Variants in ERC1 observed in about 807,000 individuals in gnomAD.
ERC1 encodes RAB6 interacting protein 2.
A neutral mutation model predicts 132.0 loss-of-function variants in ERC1; 56 were observed. The ratio of observed to expected loss-of-function variants is 0.42; its 90% CI spans 0.34 to 0.53. The LOEUF (loss-of-function observed/expected upper bound fraction) is 0.53. Among genes scored for constraint, ERC1 ranks in the 20% least tolerant of loss-of-function variants. The probability of loss-of-function intolerance (pLI) is 0.03; values close to 1 mark genes in which losing one functional copy is unlikely to be tolerated. For missense variants in ERC1, 1,202 were observed against 1,349.9 expected (o/e 0.89, Z 1.72); for synonymous variants, 478 against 476.1 (o/e 1.00, Z -0.05).
chr12:1,241,904 G>C (rs1594474395), intron 13 of ERC1, among the ~76,000 whole-genome samples: 1 of 136,180 alleles, frequency 7.3e-6, no homozygotes, highest in African/African-American at 2.8e-5. Context: ...TGTCCCCAAG[G>C]CTGGAGTGCA....
At chr12:1,282,730 CAA>C (rs1237006220) in intron 14 of ERC1, among the ~76,000 whole-genome samples, 2 of 152,228 alleles carry the variant, frequency 1.3e-5, no homozygotes, top group Non-Finnish European at 1.5e-5. Flanking sequence ...CTCCTCCACT[CAA>C]GAGCTTGTTA....
intron 3 of ERC1, among the ~76,000 whole-genome samples, chr12:1,092,639 A>G (rs561523100): frequency 1.3e-5 from 2 of 152,364 alleles, no homozygotes; most frequent in East Asian, 3.9e-4. Flanking sequence ...ATAAGTTTAA[A>G]AAAACTAACT....
chr12:1,030,293 C>T (rs1425560663), intron 2 of ERC1, among the ~76,000 whole-genome samples: 1 of 152,106 alleles, frequency 6.6e-6, no homozygotes, highest in Non-Finnish European at 1.5e-5. Context: ...TCAATTTCTG[C>T]AGTGTTCTTA....
Position 1,141,638 on chromosome 12 carries a change from C to A in ERC1, c.1588C>A (p.Arg530Ser). Residue 530 changes from arginine (R) to serine (S), a missense_variant, in exon 8 of 19, where the codon CGT becomes AGT. By Grantham distance (110) the Arg-to-Ser change is moderately radical. Transcript: ENST00000360905. ...TTCTTAGGTGGATGCTCTCCGATTG[C>A]GTTTGGAAGAGAAGGAAACCATGTT... ...LQTEVDALRL[R>S]LEEKETMLNK... is the part of the protein sequence containing the mutation. 2 of 1,608,796 alleles carry A rather than the reference C, an allele frequency of 1.2e-6. No homozygotes were observed. The highest frequency in any genetic ancestry group is 8.5e-7 in the Non-Finnish European group (1 of 1,177,202).
intron 10 of ERC1, among the ~76,000 whole-genome samples, chr12:1,183,024 T>C (rs1407791432): frequency 1.3e-5 from 2 of 152,220 alleles, no homozygotes; most frequent in Non-Finnish European, 2.9e-5. Flanking sequence ...AAGCTTGATC[T>C]ACTTTGGTTT....
chr12:1,481,019 C>T (rs2094080192), intron 18 of ERC1: 1 of 613,052 alleles, frequency 1.6e-6, no homozygotes, highest in East Asian at 2.7e-5. Flanking sequence ...TTCTTCTATA[C>T]ATATATACCT....
intron 12 of ERC1, among the ~76,000 whole-genome samples, chr12:1,205,208 C>T (rs771261590): frequency 2.3e-4 from 35 of 151,930 alleles, no homozygotes; most frequent in Non-Finnish European, 4.9e-4. Context: ...GTGAGAGAAG[C>T]GGCACAAAAC....
intron 18 of ERC1, among the ~76,000 whole-genome samples, chr12:1,472,965 T>C (rs537463791): frequency 6.6e-6 from 1 of 152,296 alleles, no homozygotes; most frequent in African/African-American, 2.4e-5. Flanking sequence ...ACTATCAAAT[T>C]GTTAAGCAGT....
chr12:1,179,719 G>C (rs79873785), intron 8 of ERC1, among the ~76,000 whole-genome samples: 2,529 of 137,214 alleles, frequency 0.018, no homozygotes, highest in Non-Finnish European at 0.025. Flanking sequence ...GTTTTAGCTG[G>C]GATGGTCTTG....
In ERC1 at chr12:1,096,385, A is replaced by G. The variant is rs1944041611; in HGVS notation, c.1087-8365A>G. Reference sequence around the variant, plus strand: ...CAAGTAGATACAGAAATACCAAATAAAAATGTTGTAAAGTATAGGTTATAA... The same window carrying G: ...CAAGTAGATACAGAAATACCAAATAGAAATGTTGTAAAGTATAGGTTATAA... On this transcript the variant is annotated intron_variant, in intron 3 of 18. Transcript: ENST00000360905. Among the ~76,000 whole-genome samples, 5 of 152,384 alleles carry G rather than the reference A, an allele frequency of 3.3e-5. No individual in the cohort carries two copies. In the South Asian group the frequency reaches 1.0e-3, roughly 32 times the overall value.
intron 4 of ERC1, among the ~76,000 whole-genome samples, chr12:1,108,164 A>G (rs542831370): frequency 1.1e-4 from 17 of 152,090 alleles, no homozygotes; most frequent in Admixed American, 2.6e-4. Context: ...GTCAGTCAGT[A>G]CCTGCCTCCT....
intron 12 of ERC1, among the ~76,000 whole-genome samples, chr12:1,217,273 G>A (rs1453483365): frequency 6.6e-6 from 1 of 152,154 alleles, no homozygotes; most frequent in Non-Finnish European, 1.5e-5. Flanking sequence ...TCTTGGCACA[G>A]TACAGTCATA....
chr12:1,373,549 A>T (rs988337323), intron 16 of ERC1, among the ~76,000 whole-genome samples: 34 of 152,256 alleles, frequency 2.2e-4, no homozygotes, highest in African/African-American at 8.0e-4. Context: ...TGGGAGGCCA[A>T]GGCGGGTGGA....
chr12:1,164,332 T>C lies in ERC1; in HGVS notation c.1738-16208T>C, dbSNP rs575004268. On this transcript the variant is annotated intron_variant, in intron 8 of 18. Transcript: ENST00000360905. ...ATGTTATTTTATTTTGTTATTTTAT[T>C]TTATGTTATTTTATGTTATTTTATT... Among the ~76,000 whole-genome samples, 20 of 144,150 alleles carry C rather than the reference T, an allele frequency of 1.4e-4. No homozygotes were observed. The East Asian group carries it at 3.7e-3, about 27-fold the overall frequency. 94.6% of individuals were successfully genotyped at this position (144,150 alleles called of 152,430 possible).
chr12:1,049,964 A>C (rs1971661864), intron 2 of ERC1, among the ~76,000 whole-genome samples: 1 of 152,038 alleles, frequency 6.6e-6, no homozygotes, highest in Non-Finnish European at 1.5e-5. Flanking sequence ...GCTGGTCTCA[A>C]ACTCCTGACC....
chr12:1,048,562 T>G (rs1971436939), intron 2 of ERC1, among the ~76,000 whole-genome samples: 1 of 152,232 alleles, frequency 6.6e-6, no homozygotes, highest in Non-Finnish European at 1.5e-5. Context: ...CGATACTTTG[T>G]GCCAAGTGTT....
intron 15 of ERC1, among the ~76,000 whole-genome samples, chr12:1,345,837 A>G (rs941956736): frequency 1.3e-5 from 2 of 152,200 alleles, no homozygotes; most frequent in South Asian, 2.1e-4. Context: ...TCACTTGACT[A>G]TTTCAGGAAA....
chr12:1,493,548 A>AAAAAAAAAAAAAATAT lies in ERC1; in HGVS notation c.*3319_*3320insAAAAAAAAAAAATATA, dbSNP rs56939346. ...ACTCCATTTAAAAAAAAAAAAAAAA[A>AAAAAAAAAAAAAATAT]ATATATATATATATATATATATATA... On this transcript the variant is annotated 3_prime_UTR_variant, in exon 19 of 19. Coordinates refer to ENST00000360905, the MANE Select transcript of ERC1 (RefSeq NM_178040.4). The AAAAAAAAAAAAAATAT allele has an allele frequency of 7.3e-5, 1 of 13,618 alleles. No individual in the cohort carries two copies. Among genetic ancestry groups the AAAAAAAAAAAAAATAT allele is most frequent in the African/African-American group, 2.2e-4 (1 of 4,554 alleles). The allele number at this position is 13,618 out of a possible 1,614,324, so 0.8% of individuals were successfully genotyped here.
At chr12:1,090,884 A>ATTGTTGTTGTTG (rs1565941631) in intron 3 of ERC1, among the ~76,000 whole-genome samples, 2 of 15,254 alleles carry the variant, frequency 1.3e-4, no homozygotes, top group Admixed American at 2.6e-3. Flanking sequence ...TATTATTATT[A>ATTGTTGTTGTTG]TTATTATTAT....
Sources: allele counts gnomAD v4.1 joint callset (sites outside exome capture counted in the v4.1 genomes callset), GRCh38; gene constraint gnomAD v4.1.1; transcripts MANE v1.5; gene names NCBI Gene and HGNC (gene_info 2026-07-23, HGNC 2026-07-21).